The following CCDC7 variants were observed in gnomAD, a reference collection of about 807,000 sequenced individuals.
CCDC7 encodes coiled-coil domain containing 7.
A neutral mutation model predicts 196.9 loss-of-function variants in CCDC7; 183 were observed. The ratio of observed to expected loss-of-function variants is 0.93; its 90% confidence interval spans 0.82 to 1.05. The LOEUF is 1.05. Among genes scored for constraint, CCDC7 ranks in the 50% least tolerant of loss-of-function variants. The pLI, the probability that CCDC7 is intolerant of heterozygous loss-of-function variation, is 0.00. For synonymous variants in CCDC7, 525 were observed against 484.6 expected, an observed-to-expected ratio of 1.08 and a Z score of -1.10; for missense variants, 1,540 against 1,482.2, an observed-to-expected ratio of 1.04 and a Z score of -0.64.
chr10:32,500,866 G>A (rs1036730687), intron 9 of CCDC7, among the ~76,000 whole-genome samples: 1 of 152,200 alleles, frequency 6.6e-6, no homozygotes, highest in African/African-American at 2.4e-5. Flanking sequence ...CCAACACGGC[G>A]AAACCCCGTC....
intron 36 of CCDC7, 21 bp downstream of exon 37, chr10:32,845,980 A>G: frequency 6.4e-7 from 1 of 1,556,782 alleles, no homozygotes; most frequent in Non-Finnish European, 8.8e-7. Context: ...GAATTTTTCA[A>G]GTCTAATATT....
At chr10:32,770,417 A>G (rs1017206590) in intron 28 of CCDC7, among the ~76,000 whole-genome samples, 3 of 152,138 alleles carry the variant, frequency 2.0e-5, no homozygotes, top group Admixed American at 1.3e-4. Context: ...ATGTATTTGT[A>G]TAGTTTCAAG....
intron 41 of CCDC7, among the ~76,000 whole-genome samples, chr10:32,865,396 C>G (rs2094164832): frequency 1.1e-5 from 1 of 89,958 alleles, no homozygotes; most frequent in African/African-American, 4.7e-5. Context: ...TGAGGTACTC[C>G]TATTATACAC....
At chr10:32,672,400 A>C (rs1349956615) in intron 21 of CCDC7, among the ~76,000 whole-genome samples, 1 of 152,148 alleles carries the variant, frequency 6.6e-6, no homozygotes, top group Non-Finnish European at 1.5e-5. Context: ...ACGATTCCCA[A>C]TGTCTGAGGT....
intron 31 of CCDC7, among the ~76,000 whole-genome samples, chr10:32,821,240 T>C (rs908994884): frequency 3.9e-5 from 6 of 151,986 alleles, no homozygotes; most frequent in Admixed American, 1.3e-4. Context: ...ACCAGAGAAA[T>C]GCAAATCAAA....
At chr10:32,595,667 C>G (rs114617240) in intron 18 of CCDC7, among the ~76,000 whole-genome samples, 1,932 of 152,294 alleles carry the variant, frequency 0.013, 48 homozygotes, top group African/African-American at 0.045. Context: ...GCTGCTTTCT[C>G]TTGTCGGCAT....
At chr10:32,673,628 A>AGTTT (rs2074417003) in intron 21 of CCDC7, among the ~76,000 whole-genome samples, 1 of 105,210 alleles carries the variant, frequency 9.5e-6, no homozygotes, top group Non-Finnish European at 1.8e-5. Flanking sequence ...ACCTTTACTG[A>AGTTT]ATTTATTAGT....
intron 29 of CCDC7, among the ~76,000 whole-genome samples, chr10:32,803,508 T>C (rs1272300048): frequency 1.3e-5 from 2 of 151,836 alleles, no homozygotes; most frequent in East Asian, 1.9e-4. Context: ...TTTTTGTCTC[T>C]TTTTTAAAAT....
intron 9 of CCDC7, among the ~76,000 whole-genome samples, chr10:32,506,595 C>T (rs1423573048): frequency 1.3e-5 from 2 of 152,210 alleles, no homozygotes; most frequent in Non-Finnish European, 2.9e-5. Context: ...ACTCCGTCTG[C>T]AATCCCAGCA....
At chr10:32,781,057 T>A (rs1389891506) in intron 29 of CCDC7, among the ~76,000 whole-genome samples, 1 of 152,118 alleles carries the variant, frequency 6.6e-6, no homozygotes, top group Non-Finnish European at 1.5e-5. Flanking sequence ...AAAAACTGGA[T>A]AACCTAGAGG....
intron 3 of CCDC7, among the ~76,000 whole-genome samples, chr10:32,460,688 G>A (rs1217938976): frequency 2.0e-5 from 3 of 152,040 alleles, no homozygotes; most frequent in African/African-American, 4.8e-5. Flanking sequence ...AATTTGCTTT[G>A]GTATATTTTC....
chr10:32,503,890 G>T (rs2044452679), intron 9 of CCDC7, among the ~76,000 whole-genome samples: 1 of 150,318 alleles, frequency 6.7e-6, no homozygotes, highest in Admixed American at 6.6e-5. Context: ...CTTCTAGGTT[G>T]TTCAGTTTGT....
At chr10:32,647,772 T>C (rs1406857901) in intron 20 of CCDC7, among the ~76,000 whole-genome samples, 1 of 152,232 alleles carries the variant, frequency 6.6e-6, no homozygotes, top group Admixed American at 6.5e-5. Flanking sequence ...TCTGATTCTA[T>C]AGATTGTCTG....
At chr10:32,529,203 A>G (rs1044266614) in intron 11 of CCDC7, among the ~76,000 whole-genome samples, 1 of 151,942 alleles carries the variant, frequency 6.6e-6, no homozygotes, top group Admixed American at 6.6e-5. Flanking sequence ...TTGTATTTTT[A>G]GTAGAGATGG....
intron 18 of CCDC7, among the ~76,000 whole-genome samples, chr10:32,625,119 C>G (rs1360544959): frequency 6.6e-6 from 1 of 150,534 alleles, no homozygotes; most frequent in East Asian, 1.9e-4. Flanking sequence ...AGCTTTTCCC[C>G]TATGTTTCCT....
intron 28 of CCDC7, among the ~76,000 whole-genome samples, chr10:32,756,257 C>T (rs1027618873): frequency 4.6e-5 from 7 of 152,120 alleles, no homozygotes; most frequent in African/African-American, 1.4e-4. Flanking sequence ...ATACAGAGAA[C>T]ACCACAAAGA....
chr10:32,721,743 G>T (rs1199733059), intron 25 of CCDC7, among the ~76,000 whole-genome samples: 2 of 152,042 alleles, frequency 1.3e-5, no homozygotes, highest in African/African-American at 4.8e-5. Context: ...GTATTCTTGG[G>T]CTAGCTGTGT....
intron 20 of CCDC7, among the ~76,000 whole-genome samples, chr10:32,641,883 A>T (rs1436169955): frequency 6.6e-6 from 1 of 152,164 alleles, no homozygotes; most frequent in Non-Finnish European, 1.5e-5. Context: ...CAGGACCCTC[A>T]GCTGCAGGTC....
intron 31 of CCDC7, among the ~76,000 whole-genome samples, chr10:32,819,423 C>A (rs549851327): frequency 2.1e-4 from 32 of 152,302 alleles, no homozygotes; most frequent in Middle Eastern, 6.8e-3. Context: ...TGAAACTATT[C>A]CAACCAATAG....
Sources: allele counts gnomAD v4.1 joint callset (sites outside exome capture counted in the v4.1 genomes callset), GRCh38; gene constraint gnomAD v4.1.1; transcripts MANE v1.5; gene names NCBI Gene and HGNC (gene_info 2026-07-23, HGNC 2026-07-21).